GPR55: variants seen among roughly 807,000 people sequenced by gnomAD.
GPR55 encodes the protein G protein-coupled receptor 55.
In GPR55, 6 loss-of-function variants were observed where a neutral mutation model predicts 7.9. That is an observed-to-expected ratio of 0.76 (90% CI 0.41 to 1.49). The LOEUF is 1.49. Ranked by LOEUF, GPR55 falls within the 40% of genes most tolerant of loss-of-function variation. GPR55 has a pLI of 0.01. For synonymous variants in GPR55, 183 were observed against 166.8 expected (o/e 1.10, Z -0.75); for missense variants, 376 against 406.0 (o/e 0.93, Z 0.63).
In GPR55 at chr2:230,910,279, G is replaced by C; in HGVS notation, c.684C>G (p.Ile228Met). The C allele has an allele frequency of 1.2e-6, 2 of 1,613,978 alleles. No individual in the cohort carries two copies. The highest frequency in any genetic ancestry group is 8.5e-7 in the Non-Finnish European group (1 of 1,179,936). The part of the protein sequence containing the change: ...WVQQKACIYS[I>M]AASLAVFVVS... ...CCACGAAGACAGCCAGGCTGGCTGC[G>C]ATGCTGTAGATGCAGGCTTTCTGCT... The change falls in exon 2 of 2, where the codon ATC (isoleucine) becomes ATG (methionine). Residue 228 changes from isoleucine to methionine, a missense_variant. By Grantham distance (10) the Ile-to-Met change is conservative. Coordinates refer to ENST00000650999, the MANE Select transcript of GPR55 (RefSeq NM_005683.4). The surrounding 1 kb of genome is among the most constrained non-coding windows in gnomAD (Gnocchi z 5.4).
At chr2:230,915,075 G>C (rs182417710) in intron 1 of GPR55, among the ~76,000 whole-genome samples, 4 of 152,232 alleles carry the variant, frequency 2.6e-5, no homozygotes, top group Non-Finnish European at 4.4e-5. Flanking sequence ...CCCCACATCC[G>C]CAGAAATCGC....
chr2:230,940,982 C>T (rs148846948), intron 1 of GPR55, among the ~76,000 whole-genome samples: 3,715 of 152,106 alleles, frequency 0.024, 138 homozygotes, highest in African/African-American at 0.085. Flanking sequence ...CCGGACGTGG[C>T]GGTGTGCACT....
intron 1 of GPR55, among the ~76,000 whole-genome samples, chr2:230,943,180 C>T (rs1418325892): frequency 6.6e-6 from 1 of 152,058 alleles, no homozygotes; most frequent in Non-Finnish European, 1.5e-5. Flanking sequence ...AAACTGAGGC[C>T]CCAGCAGAGG....
At position 230,946,035 on chromosome 2, in the gene GPR55, A is replaced by T. The variant is rs571387308; in HGVS notation, c.-135+14740T>A. ...ACAATGAAATATTATTTAGCCATTAAAAAAGGGAATCTTGTCATTTGTGAC... is the reference window on the plus strand; with the variant it reads ...ACAATGAAATATTATTTAGCCATTATAAAAGGGAATCTTGTCATTTGTGAC... On this transcript the variant is annotated intron_variant, in intron 1 of 1. Transcript: ENST00000392039. 2.0e-5 allele frequency among the ~76,000 whole-genome samples: 3 copies of T among 152,366 alleles called. No individual in the cohort carries two copies. In the East Asian group the frequency reaches 5.8e-4, roughly 29 times the overall value.
chr2:230,927,442 G>A (rs1053629441), upstream of GPR55, among the ~76,000 whole-genome samples: 2 of 152,234 alleles, frequency 1.3e-5, no homozygotes, highest in African/African-American at 4.8e-5. Flanking sequence ...CCGTCCTAAG[G>A]CTCAGGCCTG....
chr2:230,940,142 G>A (rs909758854), intron 1 of GPR55, among the ~76,000 whole-genome samples: 1 of 152,070 alleles, frequency 6.6e-6, no homozygotes, highest in African/African-American at 2.4e-5. Context: ...AGCCTCCCAG[G>A]GGCAGGCGGG....
chr2:230,919,033 A>G (rs1690776819), intron 1 of GPR55, among the ~76,000 whole-genome samples: 1 of 152,092 alleles, frequency 6.6e-6, no homozygotes, highest in Admixed American at 6.5e-5. Context: ...CAATAATACA[A>G]AGGGAAGGCT....
At chr2:230,928,292 G>A (rs1040076210), upstream of GPR55, among the ~76,000 whole-genome samples, 1 of 152,152 alleles carries the variant, frequency 6.6e-6, no homozygotes, top group East Asian at 1.9e-4. Flanking sequence ...ATGAGGGCAG[G>A]AGTGGGGGCG....
rs1217770574 is a variant in GPR55, at chr2:230,924,603, TTGCCTCA to T, written c.-135+558_-135+564del. The T allele has an allele frequency of 1.3e-5, 2 of 152,228 alleles. No homozygotes were observed. The highest frequency in any genetic ancestry group is 2.9e-5 in the Non-Finnish European group (2 of 68,080). The allele number at this position is 152,228 out of a possible 1,614,324, so 9.4% of individuals were successfully genotyped here. A position where few individuals can be genotyped will look rare whatever the true frequency, so the allele number is the denominator to read the frequency against. ...CGCCCCGTGAGGAAGAAACCGTGTA[TTGCCTCA>T]TGCCCCAGAGAGGTAAACGGAGGCT... On this transcript the variant is annotated intron_variant, in intron 1 of 1. Coordinates refer to ENST00000650999, the MANE Select transcript of GPR55 (RefSeq NM_005683.4). This position sits in a 1 kb window ranked among gnomAD's most constrained non-coding sequence, Gnocchi z 4.5.
chr2:230,934,617 C>T (rs748742533), intron 1 of GPR55, among the ~76,000 whole-genome samples: 21 of 152,194 alleles, frequency 1.4e-4, no homozygotes, highest in Non-Finnish European at 2.6e-4. Context: ...CTCCTGGTAA[C>T]CTCTGGGCAG....
At chr2:230,957,930 A>T in intron 1 of GPR55, 1 of 488,238 alleles carries the variant, frequency 2.0e-6, no homozygotes, top group Non-Finnish European at 4.1e-6. Flanking sequence ...AAAGAAAAGA[A>T]ACCAAGGGCA....
exon 1 of GPR55, chr2:230,960,962 A>G (rs1312088542): frequency 6.6e-6 from 1 of 152,218 alleles, no homozygotes; most frequent in Non-Finnish European, 1.5e-5. Context: ...CTCACTGTGA[A>G]GACAGGAGAA....
intron 1 of GPR55, among the ~76,000 whole-genome samples, chr2:230,934,254 A>C (rs953567870): frequency 6.6e-6 from 1 of 152,168 alleles, no homozygotes; most frequent in Non-Finnish European, 1.5e-5. Flanking sequence ...GGAATCACAA[A>C]ACCTAGGTCT....
chr2:230,960,752 G>A (rs1474806575), intron 1 of GPR55: 1 of 152,168 alleles, frequency 6.6e-6, no homozygotes, highest in Admixed American at 6.5e-5. Context: ...AGAGACAGAG[G>A]AATACAGAGA....
rs142474788 is a variant in GPR55, at chr2:230,917,477, A to T, written c.-134-6381T>A. Among the ~76,000 whole-genome samples, 7 of 152,292 alleles carry T rather than the reference A, an allele frequency of 4.6e-5. No individual in the cohort carries two copies. In the East Asian group the frequency reaches 1.3e-3, roughly 29 times the overall value. ...AAAAAATTCAGAAATTATTTTGGCT[A>T]TACTCTCTGACCTCATACACAAAGA... On this transcript the variant is annotated intron_variant, in intron 1 of 1. Coordinates refer to ENST00000650999, the MANE Select transcript of GPR55 (RefSeq NM_005683.4).
upstream of GPR55, chr2:230,930,053 C>CT: frequency 6.6e-6 from 1 of 152,324 alleles, no homozygotes. Context: ...CAGCCAGGAC[C>CT]CCCCCGCCTC....
upstream of GPR55, among the ~76,000 whole-genome samples, chr2:230,928,290 A>C (rs1690975972): frequency 1.3e-5 from 2 of 152,166 alleles, no homozygotes; most frequent in African/African-American, 2.4e-5. Context: ...GAATGAGGGC[A>C]GGAGTGGGGG....
intron 1 of GPR55, among the ~76,000 whole-genome samples, chr2:230,920,490 TA>T (rs999957487): frequency 2.0e-5 from 3 of 151,218 alleles, no homozygotes; most frequent in Non-Finnish European, 3.0e-5. Context: ...ATGATTTTTT[TA>T]AAAAAAAATT....
At position 230,910,433 on chromosome 2, in the gene GPR55, C is replaced by T. The variant is rs770849450; in HGVS notation, c.530G>A (p.Trp177Ter). 1 of 1,613,538 alleles carries T rather than the reference C, an allele frequency of 6.2e-7. No individual in the cohort carries two copies. Among genetic ancestry groups the T allele is most frequent in the Non-Finnish European group, 8.5e-7 (1 of 1,179,474 alleles). ...MCFHNMSDDT[W>*]SAKVFFPLEV... ...CAGCGGGAAGAAGACCTTGGCGCTC[C>T]AGGTATCATCAGACATGTTGTGGAA... The change falls in exon 2 of 2, where the codon TGG (tryptophan) becomes TAG (stop). Residue 177 changes from tryptophan (W) to a stop codon, truncating the protein, a stop_gained. Transcript: ENST00000650999. LOFTEE classifies it high-confidence loss of function. The surrounding 1 kb of genome is among the most constrained non-coding windows in gnomAD (Gnocchi z 5.4).
Sources: gnomAD v4.1 joint callset for allele counts (sites outside exome capture counted in the v4.1 genomes callset) on GRCh38, gnomAD v4.1.1 for gene constraint, Gnocchi (gnomAD v3.1) non-coding constraint, MANE v1.5 for transcripts, NCBI Gene and HGNC (gene_info 2026-07-23, HGNC 2026-07-21) for gene names.